Variants in FARP1 observed in about 807,000 individuals in gnomAD.
FARP1 encodes FERM, ARHGEF and pleckstrin domain-containing protein 1.
In FARP1, 52 loss-of-function variants were observed where a neutral mutation model predicts 128.8. That is an observed-to-expected ratio of 0.40 (90% CI 0.32 to 0.51). The LOEUF (loss-of-function observed/expected upper bound fraction) is 0.51, where lower values mean the gene tolerates loss of function less well. FARP1 is among the 20% of genes least tolerant of loss of function. The pLI, the probability that FARP1 is intolerant of heterozygous loss-of-function variation, is 0.45. For missense variants in FARP1, 1,333 were observed against 1,367.9 expected, an observed-to-expected ratio of 0.97 and a Z score of 0.40; for synonymous variants, 580 against 551.8, an observed-to-expected ratio of 1.05 and a Z score of -0.72.
At chr13:98,432,341 G>A (rs1052433164) in intron 18 of FARP1, 1 of 152,276 alleles carries the variant, frequency 6.6e-6, no homozygotes, top group Non-Finnish European at 1.5e-5. Context: ...ATTTTACAGA[G>A]CGTGACGCTG....
chr13:98,305,116 A>T (rs561847867), intron 2 of FARP1, among the ~76,000 whole-genome samples: 224 of 24,476 alleles, frequency 9.2e-3, no homozygotes, highest in African/African-American at 0.02. Context: ...ATATATATAT[A>T]TATTTTTTAA....
chr13:98,262,689 A>G (rs1418229146), intron 2 of FARP1, among the ~76,000 whole-genome samples: 1 of 152,230 alleles, frequency 6.6e-6, no homozygotes, highest in African/African-American at 2.4e-5. Context: ...TGAGGTTTTG[A>G]TGACATTAGT....
intron 2 of FARP1, chr13:98,333,801 C>T (rs1355118259): frequency 1.3e-5 from 2 of 151,784 alleles, no homozygotes. Flanking sequence ...TACTTTGCCC[C>T]AGAATGAAAG....
At chr13:98,399,774 C>T (rs964808721) in intron 13 of FARP1, 3 of 152,184 alleles carry the variant, frequency 2.0e-5, no homozygotes, top group African/African-American at 7.2e-5. Flanking sequence ...GTTGGCTACT[C>T]GAGGGCCTCC....
chr13:98,388,952 C>A (rs561664500), intron 9 of FARP1, among the ~76,000 whole-genome samples: 2 of 152,362 alleles, frequency 1.3e-5, no homozygotes, highest in South Asian at 4.1e-4. Flanking sequence ...CACAACACGC[C>A]TAACACTGTG....
At chr13:98,212,512 C>A (rs903059912) in intron 1 of FARP1, among the ~76,000 whole-genome samples, 7 of 145,864 alleles carry the variant, frequency 4.8e-5, no homozygotes, top group Non-Finnish European at 1.0e-4. Context: ...TGTCATTAGA[C>A]AAGAGTAGAC....
chr13:98,220,649 AG>A (rs1215665145), intron 2 of FARP1, among the ~76,000 whole-genome samples: 1 of 152,208 alleles, frequency 6.6e-6, no homozygotes, highest in East Asian at 1.9e-4. Flanking sequence ...ATTTTAATAG[AG>A]GAAAAAAATT....
At chr13:98,390,220 C>G in intron 10 of FARP1, 100 bp downstream of exon 10, 2 of 1,301,904 alleles carry the variant, frequency 1.5e-6, no homozygotes, top group East Asian at 4.6e-5. Flanking sequence ...GGTGAACGCT[C>G]ATTGGCCTCC....
chr13:98,354,033 TAA>T (rs1475046021), intron 3 of FARP1, among the ~76,000 whole-genome samples: 1 of 152,220 alleles, frequency 6.6e-6, no homozygotes, highest in Non-Finnish European at 1.5e-5. Flanking sequence ...GGTTAAGAAG[TAA>T]AGATTGTAGA....
At chr13:98,438,184 G>A (rs573647975) in intron 19 of FARP1, among the ~76,000 whole-genome samples, 3 of 152,052 alleles carry the variant, frequency 2.0e-5, no homozygotes, top group Non-Finnish European at 4.4e-5. Flanking sequence ...GATGTCACTC[G>A]GGAGGCAGAG....
intron 16 of FARP1, among the ~76,000 whole-genome samples, chr13:98,418,797 C>T (rs940685259): frequency 2.6e-5 from 4 of 152,196 alleles, no homozygotes; most frequent in African/African-American, 9.7e-5. Context: ...TTCTCTTCTA[C>T]TGTATTTTAA....
chr13:98,376,065 G>A (rs1443693333), intron 5 of FARP1, among the ~76,000 whole-genome samples: 1 of 152,066 alleles, frequency 6.6e-6, no homozygotes, highest in Admixed American at 6.6e-5. Context: ...GTACAGGTTC[G>A]GTTTGGTTTT....
At chr13:98,259,229 T>C (rs573028377) in intron 2 of FARP1, among the ~76,000 whole-genome samples, 41 of 151,930 alleles carry the variant, frequency 2.7e-4, no homozygotes, top group South Asian at 1.2e-3. Flanking sequence ...AAAATAGATA[T>C]GTATATTTTT....
At chr13:98,316,546 C>A (rs1277153620) in intron 2 of FARP1, among the ~76,000 whole-genome samples, 1 of 152,214 alleles carries the variant, frequency 6.6e-6, no homozygotes, top group Non-Finnish European at 1.5e-5. Context: ...AGGCCCATTG[C>A]CCTGGAGAGC....
chr13:98,380,279 T>G (rs137967352), intron 6 of FARP1, among the ~76,000 whole-genome samples: 11,947 of 151,842 alleles, frequency 0.079, 589 homozygotes, highest in Non-Finnish European at 0.12. Context: ...AAACCTTGTC[T>G]CTACTAAAAA....
Position 98,438,844 on chromosome 13 carries a change from A to G in FARP1, c.2315A>G (p.Lys772Arg). ...GGCAGCCTCAGCAAGCTCTCGGGGAAGGGGCTCCAGCAGCGCATGTTCTTC... is the reference window on the plus strand; with the variant it reads ...GGCAGCCTCAGCAAGCTCTCGGGGAGGGGGCTCCAGCAGCGCATGTTCTTC... ...RLGSLSKLSG[K>R]GLQQRMFFLF... Residue 772 changes from lysine (K) to arginine (R), a missense_variant, in exon 20 of 27, where the codon AAG (lysine) becomes AGG (arginine). Lys to Arg is a conservative substitution (Grantham distance 26). Transcript: ENST00000319562. The G allele has an allele frequency of 6.2e-7, 1 of 1,613,448 alleles. No homozygotes were observed. The highest frequency in any genetic ancestry group is 8.5e-7 in the Non-Finnish European group (1 of 1,179,970).
intron 2 of FARP1, among the ~76,000 whole-genome samples, chr13:98,218,388 A>C (rs1448010446): frequency 6.6e-6 from 1 of 152,102 alleles, no homozygotes; most frequent in African/African-American, 2.4e-5. Flanking sequence ...TTAATCTGCA[A>C]AATTAGGCAC....
intron 1 of FARP1, chr13:98,177,411 C>T: frequency 1.9e-6 from 1 of 526,556 alleles, no homozygotes; most frequent in Non-Finnish European, 3.2e-6. Flanking sequence ...CACTGGGAGG[C>T]CGAGGTGGGA....
At chr13:98,379,162 AATAT>A (rs1385098971) in intron 6 of FARP1, among the ~76,000 whole-genome samples, 1 of 112,930 alleles carries the variant, frequency 8.9e-6, no homozygotes, top group East Asian at 2.2e-4. Context: ...ATATATATAT[AATAT>A]ATAATCTATA....
Sources: allele counts gnomAD v4.1 joint callset (sites outside exome capture counted in the v4.1 genomes callset), GRCh38; gene constraint gnomAD v4.1.1; transcripts MANE v1.5; gene names NCBI Gene and HGNC (gene_info 2026-07-23, HGNC 2026-07-21).